DIS3L2: variants seen among roughly 807,000 people sequenced by gnomAD.
DIS3L2 encodes DIS3 like 3'-5' exoribonuclease 2.
Under a neutral mutation model 97.5 loss-of-function variants are expected in DIS3L2, and 34 were observed. That is an observed-to-expected ratio of 0.35 (90% CI 0.27 to 0.46). The LOEUF (loss-of-function observed/expected upper bound fraction) is 0.46. DIS3L2 is among the 20% of genes least tolerant of loss of function. The pLI, the probability that DIS3L2 is intolerant of heterozygous loss-of-function variation, is 1.00. For synonymous variants in DIS3L2, 435 were observed against 445.2 expected (o/e 0.98, Z 0.29); for missense variants, 1,038 against 1,146.0 (o/e 0.91, Z 1.36).
chr2:231,988,176 C>T (rs1449105281), intron 1 of DIS3L2, among the ~76,000 whole-genome samples: 1 of 152,186 alleles, frequency 6.6e-6, no homozygotes, highest in Admixed American at 6.5e-5. Context: ...TGCTGTCTAC[C>T]TGACGTTTTA....
intron 11 of DIS3L2, among the ~76,000 whole-genome samples, chr2:232,243,174 C>T (rs1387066390): frequency 6.6e-6 from 1 of 152,150 alleles, no homozygotes; most frequent in Admixed American, 6.5e-5. Context: ...GTGTTTTGAA[C>T]AGTGTTTCAC....
rs759890520 is a variant in DIS3L2 at position 232,136,622 on chromosome 2, T to C, written c.853T>C (p.Cys285Arg). 1.9e-6 allele frequency: 3 copies of C among 1,613,974 alleles called. No individual in the cohort carries two copies. The highest frequency in any genetic ancestry group is 2.2e-5 in the East Asian group (1 of 44,870). The change falls in exon 8 of 21, where the codon TGT (cysteine) becomes CGT (arginine). Residue 285 changes from cysteine to arginine, a missense_variant. Physicochemically the swap from Cys to Arg is radical, Grantham distance 180. This residue lies in a region of DIS3L2 where 813 missense variants were observed against 880.1 expected (regional missense o/e 0.92). Transcript: ENST00000325385. ...VPRIYVPLKD[C>R]PQDFVARPKD... ...TAGAATTTATGTGCCTCTCAAGGAC[T>C]GTCCCCAGGACTTTGTGGCACGGCC...
intron 5 of DIS3L2, among the ~76,000 whole-genome samples, chr2:232,070,071 T>C (rs1283981902): frequency 6.6e-6 from 1 of 152,254 alleles, no homozygotes; most frequent in African/African-American, 2.4e-5. Flanking sequence ...ACCACCCATG[T>C]ACAAGGTATA....
rs1232442900 is a variant in DIS3L2 at position 232,037,304 on chromosome 2, GC to G, written c.366+7225del. Among the ~76,000 whole-genome samples the G allele has an allele frequency of 1.3e-5, 2 of 152,170 alleles. No homozygotes were observed. The highest frequency in any genetic ancestry group is 4.8e-5 in the African/African-American group (2 of 41,444). On this transcript the variant is annotated intron_variant, in intron 5 of 20. Coordinates refer to ENST00000325385, the MANE Select transcript of DIS3L2 (RefSeq NM_152383.5). This position sits in a 1 kb window ranked among gnomAD's most constrained non-coding sequence, Gnocchi z 4.6. ...GCGGTGCTGTGGTGGGCTCCGCCCA[GC>G]TTGAACTTCCTGGTGGCTTTGTTTA... is the stretch of plus-strand genomic sequence containing the variant.
chr2:232,191,718 A>G (rs1015074803), intron 9 of DIS3L2, among the ~76,000 whole-genome samples: 2 of 152,200 alleles, frequency 1.3e-5, no homozygotes, highest in African/African-American at 2.4e-5. Context: ...ATAAGTTTAT[A>G]TATGGGAGAA....
At chr2:232,215,895 C>T (rs951425213) in intron 10 of DIS3L2, among the ~76,000 whole-genome samples, 12 of 152,158 alleles carry the variant, frequency 7.9e-5, no homozygotes, top group Admixed American at 4.6e-4. Flanking sequence ...AAGGTTCGTG[C>T]ATGTCTCTAG....
At chr2:231,996,570 A>C (rs574917403) in intron 1 of DIS3L2, among the ~76,000 whole-genome samples, 1 of 152,324 alleles carries the variant, frequency 6.6e-6, no homozygotes, top group South Asian at 2.1e-4. Context: ...AGTAGAGAGA[A>C]TAGTGCATTG....
chr2:232,329,949 G>C lies in DIS3L2; in HGVS notation c.1876G>C (p.Asp626His), dbSNP rs374482102. The change falls in exon 15 of 21, where the codon GAC becomes CAC. Residue 626 changes from aspartate (D) to histidine (H), a missense_variant. By Grantham distance (81) the Asp-to-His change is moderately conservative. Transcript: ENST00000325385. ...GCTCAGTGACCTGGTGGAATTCTGC[G>C]ACCAGATGGGGCTGCCCGTGGACTT... ...RMLSDLVEFC[D>H]QMGLPVDFSS... 1.2e-6 allele frequency: 2 copies of C among 1,613,046 alleles called. No homozygotes were observed. The highest frequency in any genetic ancestry group is 1.7e-6 in the Non-Finnish European group (2 of 1,179,742).
rs1028947601 is a variant in DIS3L2 at position 232,342,884 on chromosome 2, C to T, written c.1582-461C>T. Among the ~76,000 whole-genome samples, 9 of 152,178 alleles carry T rather than the reference C, an allele frequency of 5.9e-5. No homozygotes were observed. In the South Asian group the frequency reaches 8.3e-4, roughly 14 times the overall value. On this transcript the variant is annotated intron_variant, in intron 13 of 13. Transcript: ENST00000273009. ...GCCACCTGGGGAAGGGCTGCACGGT[C>T]GATGGGTCTTTTCTGCAGAAGAGTG...
intron 10 of DIS3L2, among the ~76,000 whole-genome samples, chr2:232,226,643 A>G (rs1037319076): frequency 2.0e-5 from 3 of 152,168 alleles, no homozygotes; most frequent in East Asian, 1.9e-4. Context: ...TCTTTCCCCT[A>G]CTATACCACA....
intron 1 of DIS3L2, among the ~76,000 whole-genome samples, chr2:232,008,287 G>GA (rs949800023): frequency 4.0e-5 from 6 of 150,954 alleles, no homozygotes; most frequent in African/African-American, 1.5e-4. Context: ...CTTGGCCTCT[G>GA]AAAGTGCTGG....
At chr2:232,186,259 G>C (rs991466892) in intron 9 of DIS3L2, among the ~76,000 whole-genome samples, 1 of 152,162 alleles carries the variant, frequency 6.6e-6, no homozygotes, top group Non-Finnish European at 1.5e-5. Context: ...CCATTTAAAG[G>C]ATAATAAGGA....
At chr2:232,216,603 A>C (rs537633221) in intron 10 of DIS3L2, among the ~76,000 whole-genome samples, 1 of 148,566 alleles carries the variant, frequency 6.7e-6, no homozygotes. Context: ...TTTTCTCACC[A>C]CTCATCACTT....
intron 13 of DIS3L2, among the ~76,000 whole-genome samples, chr2:232,278,374 A>G (rs1336193764): frequency 6.6e-6 from 1 of 152,130 alleles, no homozygotes; most frequent in African/African-American, 2.4e-5. Flanking sequence ...CAGTTCTGCA[A>G]GCTACACGTA....
At chr2:232,287,730 C>A (rs1329711785) in intron 13 of DIS3L2, among the ~76,000 whole-genome samples, 1 of 152,098 alleles carries the variant, frequency 6.6e-6, no homozygotes, top group Admixed American at 6.6e-5. Context: ...CTTCCAAATA[C>A]CCTCCATTTG....
intron 1 of DIS3L2, among the ~76,000 whole-genome samples, chr2:231,982,931 C>T (rs958154657): frequency 2.6e-5 from 4 of 152,112 alleles, no homozygotes; most frequent in African/African-American, 7.2e-5. Flanking sequence ...CCACCCACCT[C>T]GGCCTCGCAA....
At chr2:232,299,960 T>G in intron 13 of DIS3L2, 80 bp from the exon 14 acceptor site, 5 of 1,427,616 alleles carry the variant, frequency 3.5e-6, no homozygotes, top group East Asian at 2.4e-5. Flanking sequence ...CTTCGTTTGA[T>G]TTTATTTTTT....
At chr2:232,163,399 C>A in intron 8 of DIS3L2, 60 bp from the exon 9 acceptor site, 2 of 1,546,218 alleles carry the variant, frequency 1.3e-6, no homozygotes, top group Non-Finnish European at 1.8e-6. Context: ...AGAGAGGAGA[C>A]AGGTACCTAT....
In DIS3L2 at chr2:232,163,550, T is replaced by C. The variant is rs763397645; in HGVS notation, c.1042T>C (p.Ser348Pro). The part of the protein sequence containing the change: ...TEYGVDFSDF[S>P]SEVLECLPQG... Reference sequence around the variant, plus strand: ...GTATGGCGTGGATTTCTCTGATTTCTCTTCAGAAGTTCTAGAATGTCTTCC... The same window carrying C: ...GTATGGCGTGGATTTCTCTGATTTCCCTTCAGAAGTTCTAGAATGTCTTCC... The change falls in exon 9 of 21, where the codon TCT becomes CCT. Residue 348 changes from serine (S) to proline (P), a missense_variant. By Grantham distance (74) the Ser-to-Pro change is moderately conservative (BLOSUM62 -1). This residue lies in a region of DIS3L2 where 813 missense variants were observed against 880.1 expected (regional missense o/e 0.92). Coordinates refer to ENST00000325385, the MANE Select transcript of DIS3L2 (RefSeq NM_152383.5). 6.2e-6 allele frequency: 10 copies of C among 1,614,206 alleles called. No individual in the cohort carries two copies. The East Asian group carries it at 2.2e-4, about 36-fold the overall frequency.
Sources: gnomAD v4.1 joint callset for allele counts (sites outside exome capture counted in the v4.1 genomes callset) on GRCh38, gnomAD v4.1.1 for gene constraint, gnomAD v4.1.1 regional missense constraint, Gnocchi (gnomAD v3.1) non-coding constraint, MANE v1.5 for transcripts, NCBI Gene and HGNC (gene_info 2026-07-23, HGNC 2026-07-21) for gene names.